NBEA: variants seen among roughly 807,000 people sequenced by gnomAD.
NBEA encodes the protein neurobeachin, also known as lysosomal-trafficking regulator 2.
In NBEA, 44 loss-of-function variants were observed where a neutral mutation model predicts 343.4. The observed-to-expected ratio is 0.13, with a 90% CI of 0.10 to 0.16. NBEA has a LOEUF of 0.16. Among genes scored for constraint, NBEA ranks in the 10% least tolerant of loss-of-function variants. The probability of loss-of-function intolerance (pLI) is 1.00; values close to 1 mark genes in which losing one functional copy is unlikely to be tolerated. For synonymous variants in NBEA, 1,175 were observed against 1,238.7 expected, an observed-to-expected ratio of 0.95 and a Z score of 1.08; for missense variants, 2,555 against 3,631.3, an observed-to-expected ratio of 0.70 and a Z score of 7.62.
At chr13:35,155,693 T>C in intron 18 of NBEA, 81 bp from the exon 19 acceptor site, 1 of 1,057,574 alleles carries the variant, frequency 9.5e-7, no homozygotes. Context: ...ACATTTCTTT[T>C]GCAGGTTCAT....
chr13:35,251,457 CAGAG>C (rs770717885), intron 34 of NBEA: 259 of 1,059,898 alleles, frequency 2.4e-4, no homozygotes, highest in Middle Eastern at 8.9e-4. Flanking sequence ...ACTTATCACT[CAGAG>C]AGAGCTGTTC....
chr13:35,391,481 A>G (rs1433788954), intron 38 of NBEA, among the ~76,000 whole-genome samples: 2 of 152,182 alleles, frequency 1.3e-5, no homozygotes, highest in Non-Finnish European at 2.9e-5. Flanking sequence ...TAGTTCAGAA[A>G]GACTGAATAA....
chr13:34,969,645 C>T (rs2059936769), intron 1 of NBEA, among the ~76,000 whole-genome samples: 1 of 151,978 alleles, frequency 6.6e-6, no homozygotes, highest in Non-Finnish European at 1.5e-5. Flanking sequence ...TGAGAACATA[C>T]AGTATTTTGT....
chr13:35,060,650 G>C (rs2063433464), intron 8 of NBEA, among the ~76,000 whole-genome samples: 1 of 151,576 alleles, frequency 6.6e-6, no homozygotes, highest in African/African-American at 2.4e-5. Flanking sequence ...TTCTCAATTT[G>C]TAAATATTAT....
At chr13:35,153,779 G>T (rs1169487370) in intron 18 of NBEA, among the ~76,000 whole-genome samples, 1 of 152,168 alleles carries the variant, frequency 6.6e-6, no homozygotes, top group African/African-American at 2.4e-5. Flanking sequence ...TATCACGGGA[G>T]AGTAGGTCCT....
At chr13:34,989,987 T>C (rs1042250075) in intron 1 of NBEA, among the ~76,000 whole-genome samples, 3 of 151,060 alleles carry the variant, frequency 2.0e-5, no homozygotes, top group Admixed American at 6.6e-5. Context: ...TCCAAAATAA[T>C]TTTCTTTGAC....
intron 41 of NBEA, among the ~76,000 whole-genome samples, chr13:35,538,879 G>A (rs183464678): frequency 6.6e-6 from 1 of 152,310 alleles, no homozygotes; most frequent in Admixed American, 6.5e-5. Context: ...AATCCAGGGT[G>A]GTGGCATAAT....
In NBEA at chr13:35,183,743, C is replaced by T. The variant is rs1361449176; in HGVS notation, c.4832-233C>T. ...TAATAGTATAGTGAACCTTCTAGTT[C>T]TGAGTTTCTTGTGTATTTGTATGTC... On this transcript the variant is annotated intron_variant, in intron 29 of 58. Transcript: ENST00000379939. 2.0e-5 allele frequency among the ~76,000 whole-genome samples: 3 copies of T among 151,878 alleles called. No individual in the cohort carries two copies. In the South Asian group the frequency reaches 6.2e-4, roughly 32 times the overall value.
At chr13:35,657,754 A>G (rs1361826445) in intron 55 of NBEA, among the ~76,000 whole-genome samples, 1 of 152,208 alleles carries the variant, frequency 6.6e-6, no homozygotes, top group African/African-American at 2.4e-5. Flanking sequence ...AGAACTTGTT[A>G]GAAAAAATTT....
intron 30 of NBEA, among the ~76,000 whole-genome samples, chr13:35,184,803 T>A (rs2071574853): frequency 6.6e-6 from 1 of 152,058 alleles, no homozygotes; most frequent in African/African-American, 2.4e-5. Context: ...TGATAATATC[T>A]CTGTGTAGGA....
chr13:35,018,879 T>A (rs1232031601), intron 1 of NBEA, among the ~76,000 whole-genome samples: 1 of 152,158 alleles, frequency 6.6e-6, no homozygotes, highest in Non-Finnish European at 1.5e-5. Flanking sequence ...AGCTATAGGT[T>A]TTTTATAGAT....
rs1439898362 is a variant in NBEA at position 35,466,007 on chromosome 13, T to C, written c.6449-6393T>C. Among the ~76,000 whole-genome samples, 3 of 152,194 alleles carry C rather than the reference T, an allele frequency of 2.0e-5. No individual in the cohort carries two copies. In the South Asian group the frequency reaches 6.2e-4, roughly 31 times the overall value. On this transcript the variant is annotated intron_variant, in intron 40 of 58. Coordinates refer to ENST00000379939, the MANE Select transcript of NBEA (RefSeq NM_001385012.1). ...GATAATAGTGTAAAAATAGATGATC[T>C]ACTATGATGAACAAATAATATGCTA...
At chr13:35,072,460 A>T (rs1258009158) in intron 10 of NBEA, among the ~76,000 whole-genome samples, 1 of 152,072 alleles carries the variant, frequency 6.6e-6, no homozygotes, top group African/African-American at 2.4e-5. Flanking sequence ...ACCTATTTTC[A>T]TTTTGATTTT....
intron 43 of NBEA, among the ~76,000 whole-genome samples, chr13:35,552,564 T>C (rs2079380137): frequency 6.6e-6 from 1 of 152,194 alleles, no homozygotes; most frequent in Non-Finnish European, 1.5e-5. Context: ...ATTACTTCCT[T>C]TCCCAAGTGC....
chr13:35,050,560 C>T (rs906797985), intron 6 of NBEA, among the ~76,000 whole-genome samples, 165 bp downstream of exon 6: 1 of 151,684 alleles, frequency 6.6e-6, no homozygotes, highest in Non-Finnish European at 1.5e-5. Flanking sequence ...TAATTTTTGT[C>T]TTCTGTAAGA....
chr13:35,277,341 G>C (rs1422193625), intron 34 of NBEA, among the ~76,000 whole-genome samples: 1 of 152,004 alleles, frequency 6.6e-6, no homozygotes, highest in African/African-American at 2.4e-5. Context: ...ATCACATTAG[G>C]CCGGGCGCGG....
chr13:35,149,372 C>A (rs1406312704), intron 18 of NBEA, among the ~76,000 whole-genome samples: 1 of 152,104 alleles, frequency 6.6e-6, no homozygotes, highest in Non-Finnish European at 1.5e-5. Context: ...GATCTTATAA[C>A]TACCCTATGA....
chr13:35,214,493 G>T (rs1042376872), intron 33 of NBEA, among the ~76,000 whole-genome samples: 1 of 151,558 alleles, frequency 6.6e-6, no homozygotes, highest in Non-Finnish European at 1.5e-5. Flanking sequence ...ATTAATGATG[G>T]TGAGTATTCT....
chr13:35,162,308 AAC>A (rs2069625154), intron 23 of NBEA, among the ~76,000 whole-genome samples: 1 of 152,208 alleles, frequency 6.6e-6, no homozygotes. Flanking sequence ...GTAAATGTGA[AAC>A]AAATTAATTA....
Sources: gnomAD v4.1 joint callset for allele counts (sites outside exome capture counted in the v4.1 genomes callset) on GRCh38, gnomAD v4.1.1 for gene constraint, MANE v1.5 for transcripts, NCBI Gene and HGNC (gene_info 2026-07-23, HGNC 2026-07-21) for gene names.